The following SRGAP2C variants were observed in gnomAD, a reference collection of about 807,000 sequenced individuals.
The protein encoded by SRGAP2C is SLIT-ROBO Rho GTPase activating protein 2C, also known as SLIT-ROBO Rho GTPase-activating protein 2C.
In SRGAP2C, 15 loss-of-function variants were observed where a neutral mutation model predicts 25.1. That is an observed-to-expected ratio of 0.60 (90% CI 0.40 to 0.92). The LOEUF (loss-of-function observed/expected upper bound fraction) is 0.92, where lower values mean the gene tolerates loss of function less well. SRGAP2C is among the 40% of genes least tolerant of loss of function. The probability of loss-of-function intolerance (pLI) is 0.00; values close to 1 mark genes in which losing one functional copy is unlikely to be tolerated. For synonymous variants in SRGAP2C, 44 were observed against 96.6 expected, an observed-to-expected ratio of 0.46 and a Z score of 3.19; for missense variants, 144 against 264.4, an observed-to-expected ratio of 0.54 and a Z score of 3.16.
At position 121,189,145 on chromosome 1, in the gene SRGAP2C, G is replaced by A. The variant is rs587727844; in HGVS notation, c.67+1632G>A. 2.0e-3 allele frequency among the ~76,000 whole-genome samples: 34 copies of A among 16,924 alleles called. 2 individuals are homozygous for A. Among genetic ancestry groups the A allele is most frequent in the African/African-American group, 0.014 (34 of 2,488 alleles). 11.1% of individuals were successfully genotyped at this position (16,924 alleles called of 152,430 possible). Reference sequence around the variant, plus strand: ...TTTTAACACATCCTATTCTTAAACTGTTGCCATCGGGAGTGTTAATAACTT... The same window carrying A: ...TTTTAACACATCCTATTCTTAAACTATTGCCATCGGGAGTGTTAATAACTT... On this transcript the variant is annotated intron_variant, in intron 2 of 9. Transcript: ENST00000367123.
chr1:121,372,095 AC>A (rs1460635727), intron 5 of SRGAP2C, among the ~76,000 whole-genome samples: 2 of 151,654 alleles, frequency 1.3e-5, no homozygotes, highest in Admixed American at 1.3e-4. Context: ...GGTAAAATTT[AC>A]GGGAAGTAGT....
At chr1:121,339,385 G>A (rs1347067216) in intron 4 of SRGAP2C, among the ~76,000 whole-genome samples, 11 of 151,306 alleles carry the variant, frequency 7.3e-5, no homozygotes, top group East Asian at 2.0e-4. Flanking sequence ...CCTAGTAGCC[G>A]GGATTACAGG....
rs1235699072 is a variant in SRGAP2C at position 121,259,900 on chromosome 1, G to T, written c.68-24903G>T. Among the ~76,000 whole-genome samples, 4 of 124,952 alleles carry T rather than the reference G, an allele frequency of 3.2e-5. No homozygotes were observed. In the East Asian group the frequency reaches 8.9e-4, roughly 28 times the overall value. 82.0% of individuals were successfully genotyped at this position (124,952 alleles called of 152,430 possible). A position where few individuals can be genotyped will look rare whatever the true frequency, so the allele number is the denominator to read the frequency against. ...CAAGGTCTCTCTCTCTCTTGCCCAG[G>T]TTGGAGTGCAGTGGCACCATGATAG... On this transcript the variant is annotated intron_variant, in intron 2 of 9. Coordinates refer to ENST00000367123, the MANE Select transcript of SRGAP2C (RefSeq NM_001329984.2).
chr1:121,244,346 G>A (rs1159154808), intron 2 of SRGAP2C, among the ~76,000 whole-genome samples: 2 of 110,110 alleles, frequency 1.8e-5, no homozygotes, highest in African/African-American at 7.9e-5. Flanking sequence ...AGTGAACAGG[G>A]TTTTATCGTG....
intron 2 of SRGAP2C, among the ~76,000 whole-genome samples, chr1:121,261,009 G>A (rs1656619101): frequency 9.9e-6 from 1 of 101,168 alleles, no homozygotes; most frequent in Non-Finnish European, 2.1e-5. Flanking sequence ...GCTTACTGCA[G>A]CCTTGACCTC....
intron 4 of SRGAP2C, among the ~76,000 whole-genome samples, chr1:121,355,305 CTTTTTTTTTTTTTT>C (rs1203362201): frequency 1.1e-4 from 4 of 37,270 alleles, no homozygotes; most frequent in African/African-American, 2.3e-4. Flanking sequence ...GATACACATT[CTTTTTTTTTTTTTT>C]TTTTTTTTTT....
chr1:121,362,704 C>T (rs868925694), intron 4 of SRGAP2C: 2 of 151,336 alleles, frequency 1.3e-5, no homozygotes, highest in Non-Finnish European at 2.9e-5. Context: ...CTTCCTGACC[C>T]TGTTGCTGAC....
intron 2 of SRGAP2C, among the ~76,000 whole-genome samples, chr1:121,273,911 G>T (rs1434130236): frequency 6.6e-6 from 1 of 151,708 alleles, no homozygotes; most frequent in Admixed American, 6.6e-5. Flanking sequence ...GCACTGTCAG[G>T]CTGGTGCATC....
At chr1:121,309,364 CT>C (rs1457877507) in intron 3 of SRGAP2C, among the ~76,000 whole-genome samples, 3 of 142,542 alleles carry the variant, frequency 2.1e-5, no homozygotes, top group African/African-American at 7.8e-5. Context: ...AAAGAACCAA[CT>C]GGTAAACTGC....
intron 3 of SRGAP2C, chr1:121,314,807 G>T (rs1161475042): frequency 8.9e-6 from 4 of 450,756 alleles, no homozygotes; most frequent in Admixed American, 6.1e-5. Context: ...CTGCCTGCTG[G>T]GAGAACCACT....
intron 2 of SRGAP2C, among the ~76,000 whole-genome samples, chr1:121,275,042 C>T (rs1657069508): frequency 1.3e-5 from 2 of 149,150 alleles, no homozygotes; most frequent in Non-Finnish European, 1.5e-5. Flanking sequence ...TGTTTAAATC[C>T]CCCCCACCCA....
intron 3 of SRGAP2C, among the ~76,000 whole-genome samples, chr1:121,314,695 T>TCAG (rs1213185595): frequency 6.6e-6 from 1 of 150,836 alleles, no homozygotes; most frequent in Non-Finnish European, 1.5e-5. Flanking sequence ...GTGTGAGGTG[T>TCAG]CAGTGTGCCC....
intron 4 of SRGAP2C, among the ~76,000 whole-genome samples, chr1:121,331,301 G>A (rs1280856693): frequency 3.3e-4 from 4 of 11,974 alleles, no homozygotes; most frequent in Non-Finnish European, 5.2e-4. Context: ...GGCTGTAAAT[G>A]CAATCACAAG....
intron 4 of SRGAP2C, among the ~76,000 whole-genome samples, chr1:121,347,541 C>A (rs1553344224): frequency 6.6e-6 from 1 of 151,736 alleles, no homozygotes; most frequent in Non-Finnish European, 1.5e-5. Flanking sequence ...TAGGGTTTAC[C>A]CAAAAGGTCT....
At chr1:121,224,100 A>G (rs1553326159) in intron 2 of SRGAP2C, among the ~76,000 whole-genome samples, 3 of 151,790 alleles carry the variant, frequency 2.0e-5, no homozygotes. Flanking sequence ...AAAGAAATAC[A>G]GTTTCTGCCT....
intron 2 of SRGAP2C, among the ~76,000 whole-genome samples, chr1:121,193,667 C>CTTTTTTTT (rs60707143): frequency 1.0e-4 from 2 of 19,742 alleles, no homozygotes; most frequent in African/African-American, 3.0e-4. Flanking sequence ...GTTCTTTTTT[C>CTTTTTTTT]TTTTTTTTTT....
intron 4 of SRGAP2C, among the ~76,000 whole-genome samples, chr1:121,346,750 G>A (rs1233360907): frequency 1.3e-5 from 2 of 152,040 alleles, no homozygotes; most frequent in African/African-American, 2.4e-5. Context: ...TGCCGCTGCT[G>A]ATGTGAGCTG....
chr1:121,250,991 T>TA (rs1320893876), intron 2 of SRGAP2C, among the ~76,000 whole-genome samples: 1 of 142,888 alleles, frequency 7.0e-6, no homozygotes. Flanking sequence ...GGTTTACATT[T>TA]AAAAATATAA....
At chr1:121,351,541 C>T (rs1467546217) in intron 4 of SRGAP2C, among the ~76,000 whole-genome samples, 16 of 141,150 alleles carry the variant, frequency 1.1e-4, no homozygotes, top group African/African-American at 2.4e-4. Flanking sequence ...ACCCAGGAGG[C>T]GGAGCTTGCA....
Sources: gnomAD v4.1 joint callset for allele counts (sites outside exome capture counted in the v4.1 genomes callset) on GRCh38, gnomAD v4.1.1 for gene constraint, MANE v1.5 for transcripts, NCBI Gene and HGNC (gene_info 2026-07-23, HGNC 2026-07-21) for gene names.